KMT2C: variants seen among roughly 807,000 people sequenced by gnomAD.
KMT2C encodes histone-lysine N-methyltransferase 2C.
Under a neutral mutation model 507.9 loss-of-function variants are expected in KMT2C, and 88 were observed. That is an observed-to-expected ratio of 0.17 (90% CI 0.15 to 0.21). KMT2C has a LOEUF of 0.21. KMT2C is among the 10% of genes least tolerant of loss of function. The probability of loss-of-function intolerance (pLI) is 1.00; values close to 1 mark genes in which losing one functional copy is unlikely to be tolerated. For synonymous variants in KMT2C, 2,049 were observed against 2,080.8 expected, an observed-to-expected ratio of 0.98 and a Z score of 0.42; for missense variants, 4,954 against 5,957.8, an observed-to-expected ratio of 0.83 and a Z score of 5.55.
intron 6 of KMT2C, among the ~76,000 whole-genome samples, chr7:152,309,313 A>AT (rs1169487768): frequency 0.045 from 5,838 of 129,648 alleles, 441 homozygotes; most frequent in African/African-American, 0.14. Flanking sequence ...ACACAAATTA[A>AT]TTTTTTTTTT....
chr7:152,285,399 CTG>C (rs2096279528), intron 6 of KMT2C, among the ~76,000 whole-genome samples: 2 of 152,422 alleles, frequency 1.3e-5, no homozygotes, highest in Admixed American at 6.5e-5. Context: ...AATTACATGA[CTG>C]TTCATATTTA....
chr7:152,294,882 G>C (rs896969924), intron 6 of KMT2C, among the ~76,000 whole-genome samples: 1 of 151,866 alleles, frequency 6.6e-6, no homozygotes, highest in Non-Finnish European at 1.5e-5. Flanking sequence ...TTGACCAAAG[G>C]ATCAATCTTC....
chr7:152,234,305 C>A (rs1197836569), intron 16 of KMT2C, among the ~76,000 whole-genome samples: 1 of 152,076 alleles, frequency 6.6e-6, no homozygotes, highest in Non-Finnish European at 1.5e-5. Context: ...ATCACTTGAA[C>A]CTGGGAGGCA....
intron 49 of KMT2C, among the ~76,000 whole-genome samples, chr7:152,152,348 C>G (rs376446599): frequency 6.6e-6 from 1 of 152,212 alleles, no homozygotes; most frequent in Non-Finnish European, 1.5e-5. Flanking sequence ...GAACCCACGT[C>G]AGGTCACCAG....
chr7:152,151,613 AACTG>A (rs1159843295), intron 49 of KMT2C, 32 bp from the exon 50 acceptor site: 16 of 1,601,612 alleles, frequency 1.0e-5, no homozygotes, highest in Admixed American at 8.4e-5. Flanking sequence ...TAGTAATTAA[AACTG>A]ACTGATGACA....
In KMT2C at chr7:152,255,144, T is replaced by TACAC. The variant is rs1179480539; in HGVS notation, c.1300-2430_1300-2429insGTGT. Among the ~76,000 whole-genome samples the TACAC allele has an allele frequency of 5.1e-4, 61 of 120,360 alleles. 2 individuals carry two copies. The highest frequency in any genetic ancestry group is 1.9e-3 in the African/African-American group (57 of 29,808). 79.0% of individuals were successfully genotyped at this position (120,360 alleles called of 152,430 possible). On this transcript the variant is annotated intron_variant, in intron 9 of 58. Coordinates refer to ENST00000262189, the MANE Select transcript of KMT2C (RefSeq NM_170606.3). ...ATATATATATATATATATATATATA[T>TACAC]ACATATATATATATGTGTGTGTGTG...
chr7:152,292,221 G>C (rs2096438710), intron 6 of KMT2C, among the ~76,000 whole-genome samples: 1 of 152,028 alleles, frequency 6.6e-6, no homozygotes, highest in South Asian at 2.1e-4. Flanking sequence ...TACCTCTAAA[G>C]TGTTACATAT....
At chr7:152,178,589 G>A (rs1028042191) in intron 37 of KMT2C, among the ~76,000 whole-genome samples, 4 of 152,048 alleles carry the variant, frequency 2.6e-5, no homozygotes, top group Non-Finnish European at 5.9e-5. Flanking sequence ...CTTCCTTCTA[G>A]ACAGGATTAC....
In KMT2C at chr7:152,332,627, C is replaced by G. The variant is rs1450125660; in HGVS notation, c.251-1888G>C. Among the ~76,000 whole-genome samples, 2 of 152,144 alleles carry G rather than the reference C, an allele frequency of 1.3e-5. 1 individual carries two copies. Reference sequence around the variant, plus strand: ...TTGGGAGGCCAAGGTGGGCGGATAACCTGAGGTCCAGAGTTCGAGACCAGC... The same window carrying G: ...TTGGGAGGCCAAGGTGGGCGGATAAGCTGAGGTCCAGAGTTCGAGACCAGC... On this transcript the variant is annotated intron_variant, in intron 2 of 58. Transcript: ENST00000262189.
intron 3 of KMT2C, among the ~76,000 whole-genome samples, chr7:152,328,117 A>G (rs1479242695): frequency 6.6e-6 from 1 of 152,176 alleles, no homozygotes; most frequent in Non-Finnish European, 1.5e-5. Context: ...GTTGGAAAAT[A>G]ATAAGTGCCA....
At chr7:152,221,520 TC>T (rs2094771025) in intron 22 of KMT2C, among the ~76,000 whole-genome samples, 2 of 152,322 alleles carry the variant, frequency 1.3e-5, no homozygotes, top group Non-Finnish European at 2.9e-5. Flanking sequence ...AAACTGTTGT[TC>T]CTTAGAACAA....
chr7:152,213,458 A>G (rs1343023764), intron 23 of KMT2C, among the ~76,000 whole-genome samples: 6 of 152,210 alleles, frequency 3.9e-5, no homozygotes, highest in Admixed American at 3.9e-4. Flanking sequence ...AAGATACAAT[A>G]GGGAAAAGAT....
At chr7:152,388,220 CAAGT>C (rs1364979249) in intron 1 of KMT2C, among the ~76,000 whole-genome samples, 5 of 152,336 alleles carry the variant, frequency 3.3e-5, no homozygotes, top group African/African-American at 1.2e-4. Flanking sequence ...CATCTATTTA[CAAGT>C]AAGTCTGTTT....
chr7:152,353,869 C>A (rs553329927), intron 2 of KMT2C, among the ~76,000 whole-genome samples: 5 of 152,252 alleles, frequency 3.3e-5, no homozygotes, highest in African/African-American at 1.2e-4. Context: ...AACAAGAGAA[C>A]CTTCAAATAA....
chr7:152,314,071 A>G (rs979238510), intron 4 of KMT2C, among the ~76,000 whole-genome samples: 56 of 152,124 alleles, frequency 3.7e-4, no homozygotes, highest in Admixed American at 1.4e-3. Context: ...ACTAAAGAAA[A>G]AGCTATAGCC....
At chr7:152,217,652 A>G (rs1180367655) in intron 23 of KMT2C, among the ~76,000 whole-genome samples, 2 of 152,202 alleles carry the variant, frequency 1.3e-5, no homozygotes, top group East Asian at 3.8e-4. Flanking sequence ...GGGCTATTTT[A>G]TCACGTAAAT....
chr7:152,177,004 T>C lies in KMT2C; in HGVS notation c.8449A>G (p.Thr2817Ala), dbSNP rs587778499. Residue 2817 changes from threonine (T) to alanine (A), a missense_variant, in exon 38 of 59, where the codon ACT becomes GCT. Physicochemically the swap from Thr to Ala is moderately conservative, Grantham distance 58 (BLOSUM62 0). Transcript: ENST00000262189. ...SDKHSPQKKS[T>A]VTNEVKTEVL... ...TCCGTTTTTACCTCATTGGTAACAG[T>C]GGATTTTTTCTGTGGTGAATGTTTA... The C allele has an allele frequency of 7.2e-5, 117 of 1,614,014 alleles. No individual in the cohort carries two copies. Among genetic ancestry groups the C allele is most frequent in the Non-Finnish European group, 9.1e-5 (107 of 1,179,998 alleles).
chr7:152,346,393 T>A (rs1157319079), intron 2 of KMT2C, among the ~76,000 whole-genome samples: 1 of 152,208 alleles, frequency 6.6e-6, no homozygotes, highest in Non-Finnish European at 1.5e-5. Context: ...TGCTCTCAGA[T>A]CACGTCAGAA....
chr7:152,192,888 T>C (rs554005025), intron 31 of KMT2C, among the ~76,000 whole-genome samples: 48 of 152,170 alleles, frequency 3.2e-4, no homozygotes, highest in African/African-American at 1.1e-3. Context: ...CAGAAATATA[T>C]ACTAGCTGCG....
Sources: gnomAD v4.1 joint callset for allele counts (sites outside exome capture counted in the v4.1 genomes callset) on GRCh38, gnomAD v4.1.1 for gene constraint, MANE v1.5 for transcripts, NCBI Gene and HGNC (gene_info 2026-07-23, HGNC 2026-07-21) for gene names.